Variants in LINGO2 observed in about 807,000 individuals in gnomAD.
LINGO2 encodes the protein leucine-rich repeat and immunoglobulin-like domain-containing nogo receptor-interacting protein 2.
LINGO2 carries 14 observed loss-of-function variants against 30.6 expected under a neutral mutation model. That is an observed-to-expected ratio of 0.46 (90% CI 0.30 to 0.72). LINGO2 has a LOEUF of 0.72. LINGO2 is among the 30% of genes least tolerant of loss of function. LINGO2 has a pLI of 0.07. For missense variants in LINGO2, 729 were observed against 751.7 expected, an observed-to-expected ratio of 0.97 and a Z score of 0.35; for synonymous variants, 317 against 288.5, an observed-to-expected ratio of 1.10 and a Z score of -1.00.
chr9:28,587,672 A>G (rs573031066), intron 1 of LINGO2, among the ~76,000 whole-genome samples: 5 of 151,790 alleles, frequency 3.3e-5, no homozygotes, highest in African/African-American at 1.2e-4. Context: ...GGTCATAGCA[A>G]AACTGAGAAG....
intron 3 of LINGO2, among the ~76,000 whole-genome samples, chr9:28,315,412 A>G (rs1199594407): frequency 2.0e-5 from 3 of 151,876 alleles, no homozygotes; most frequent in African/African-American, 7.3e-5. Flanking sequence ...GGGGAAAAAA[A>G]AAAAAAAATG....
At chr9:28,991,052 C>G in the LINGO2 span, among the ~76,000 whole-genome samples, 1 of 152,026 alleles carries the variant, frequency 6.6e-6, no homozygotes, top group Admixed American at 6.5e-5. Context: ...AGGCTTCAGA[C>G]GATCAAACTA....
intron 4 of LINGO2, among the ~76,000 whole-genome samples, chr9:28,199,469 G>C (rs1820147288): frequency 6.6e-6 from 1 of 151,888 alleles, no homozygotes. Context: ...CTCCCGAGTA[G>C]CTGGGACTAC....
intron 4 of LINGO2, among the ~76,000 whole-genome samples, chr9:28,137,112 T>G (rs1827539960): frequency 6.6e-6 from 1 of 151,560 alleles, no homozygotes; most frequent in South Asian, 2.1e-4. Flanking sequence ...TGCAGGGGAG[T>G]TGGGACATCT....
chr9:28,312,904 T>C (rs555096334), intron 3 of LINGO2, among the ~76,000 whole-genome samples: 1 of 152,274 alleles, frequency 6.6e-6, no homozygotes, highest in South Asian at 2.1e-4. Context: ...GACCTTCTTG[T>C]TTTTAATGAC....
chr9:28,341,310 T>C (rs138032682), intron 3 of LINGO2, among the ~76,000 whole-genome samples: 1 of 152,282 alleles, frequency 6.6e-6, no homozygotes, highest in African/African-American at 2.4e-5. Flanking sequence ...CAGAAAGAGA[T>C]GTTTTTCCAC....
At chr9:28,584,918 C>G (rs1824454655) in intron 1 of LINGO2, among the ~76,000 whole-genome samples, 1 of 56,920 alleles carries the variant, frequency 1.8e-5, no homozygotes, top group African/African-American at 5.2e-5. Flanking sequence ...GTAATATAGA[C>G]TGTGACTGCA....
intron 4 of LINGO2, among the ~76,000 whole-genome samples, chr9:28,216,498 G>A (rs928932515): frequency 4.6e-5 from 7 of 151,908 alleles, no homozygotes; most frequent in African/African-American, 1.4e-4. Context: ...TTGCAATGGC[G>A]GTTGCATTGT....
intron 5 of LINGO2, among the ~76,000 whole-genome samples, chr9:27,965,033 G>A (rs746087716): frequency 3.9e-5 from 6 of 152,082 alleles, no homozygotes; most frequent in Non-Finnish European, 5.9e-5. Flanking sequence ...AAACAAAAGA[G>A]GATATCTAGC....
intron 4 of LINGO2, among the ~76,000 whole-genome samples, chr9:28,051,263 G>T (rs1159845536): frequency 1.3e-5 from 2 of 152,006 alleles, no homozygotes; most frequent in Non-Finnish European, 2.9e-5. Flanking sequence ...AAAGAATATA[G>T]CTAGATACAG....
At chr9:28,245,611 C>G (rs537428882) in intron 4 of LINGO2, among the ~76,000 whole-genome samples, 5 of 152,234 alleles carry the variant, frequency 3.3e-5, no homozygotes, top group Non-Finnish European at 7.4e-5. Flanking sequence ...GATACAAAAT[C>G]AATGTGCAAA....
chr9:29,057,191 G>A, the LINGO2 span, among the ~76,000 whole-genome samples: 1 of 152,126 alleles, frequency 6.6e-6, no homozygotes, highest in South Asian at 2.1e-4. Flanking sequence ...GCTTTTGGCA[G>A]TATGGTCATT....
intron 4 of LINGO2, among the ~76,000 whole-genome samples, chr9:28,285,809 T>G (rs1310896800): frequency 1.3e-5 from 2 of 152,122 alleles, no homozygotes; most frequent in Non-Finnish European, 2.9e-5. Context: ...TCTTATAGAT[T>G]GCCTCCTCAA....
chr9:27,945,226 A>T (rs1484704778), downstream of LINGO2, among the ~76,000 whole-genome samples: 1 of 152,118 alleles, frequency 6.6e-6, no homozygotes, highest in African/African-American at 2.4e-5. Flanking sequence ...CCAAGATCAC[A>T]TTCTCTCTTT....
intron 2 of LINGO2, among the ~76,000 whole-genome samples, chr9:28,447,959 G>T (rs1824494958): frequency 6.6e-6 from 1 of 152,200 alleles, no homozygotes; most frequent in African/African-American, 2.4e-5. Flanking sequence ...TTTATAATTT[G>T]CTGATTTTAA....
the LINGO2 span, among the ~76,000 whole-genome samples, chr9:28,690,111 A>G: frequency 6.6e-6 from 1 of 152,156 alleles, no homozygotes; most frequent in South Asian, 2.1e-4. Context: ...TAGGAAGAAT[A>G]GCTAATGGAT....
At chr9:28,783,097 A>G in the LINGO2 span, among the ~76,000 whole-genome samples, 5 of 152,212 alleles carry the variant, frequency 3.3e-5, no homozygotes, top group Non-Finnish European at 7.3e-5. Flanking sequence ...TTGAACAGAA[A>G]CATTTATGAA....
the LINGO2 span, among the ~76,000 whole-genome samples, chr9:29,139,167 C>A: frequency 6.6e-6 from 1 of 152,090 alleles, no homozygotes; most frequent in African/African-American, 2.4e-5. Context: ...AGCTCAACAA[C>A]CCATGAAGAA....
At chr9:28,739,600 A>G in the LINGO2 span, among the ~76,000 whole-genome samples, 1 of 151,916 alleles carries the variant, frequency 6.6e-6, no homozygotes, top group Non-Finnish European at 1.5e-5. Flanking sequence ...GGACCCTACT[A>G]TAGAGATTTT....
Sources: gnomAD v4.1 joint callset for allele counts (sites outside exome capture counted in the v4.1 genomes callset) on GRCh38, gnomAD v4.1.1 for gene constraint, MANE v1.5 for transcripts, NCBI Gene and HGNC (gene_info 2026-07-23, HGNC 2026-07-21) for gene names.